Variants in RASAL1 observed in about 807,000 individuals in gnomAD.
RASAL1 encodes rasGAP-activating-like protein 1.
RASAL1 carries 72 observed loss-of-function variants against 96.6 expected under a neutral mutation model. That is an observed-to-expected ratio of 0.75 (90% confidence interval 0.62 to 0.91). The LOEUF (loss-of-function observed/expected upper bound fraction) is 0.91. Among genes scored for constraint, RASAL1 ranks in the 40% least tolerant of loss-of-function variants. The pLI is 0.00. For missense variants in RASAL1, 1,016 were observed against 1,072.5 expected (o/e 0.95, Z 0.74); for synonymous variants, 405 against 430.4 (o/e 0.94, Z 0.73).
intron 1 of RASAL1, among the ~76,000 whole-genome samples, chr12:113,134,720 G>A (rs1008469127): frequency 2.6e-5 from 4 of 152,152 alleles, no homozygotes; most frequent in Admixed American, 2.6e-4. Context: ...CATAGCTTGG[G>A]ACTAGTAGTG....
intron 12 of RASAL1, among the ~76,000 whole-genome samples, chr12:113,114,547 C>T (rs182616498): frequency 2.5e-3 from 382 of 152,070 alleles, no homozygotes; most frequent in Non-Finnish European, 4.1e-3. Context: ...GTTTTGGCAA[C>T]TTTGTCCACC....
In RASAL1 at chr12:113,135,620, AGAG is replaced by A. The variant is rs1202713991; in HGVS notation, c.-161_-159del. On this transcript the variant is annotated 5_prime_UTR_variant, in exon 1 of 21. Transcript: ENST00000548055. This position sits in a 1 kb window ranked among gnomAD's most constrained non-coding sequence, Gnocchi z 5.7. ...GGTAGCTGGATGGGAGATTTCCGAA[AGAG>A]GAGAAGGTGTAGGTGCCCGGGGAGG... The A allele has an allele frequency of 1.5e-6, 1 of 656,748 alleles. No individual in the cohort carries two copies. The highest frequency in any genetic ancestry group is 2.7e-6 in the Non-Finnish European group (1 of 371,786). The allele number at this position is 656,748 out of a possible 1,614,324, so 40.7% of individuals were successfully genotyped here. A position where few individuals can be genotyped will look rare whatever the true frequency, so the allele number is the denominator to read the frequency against.
intron 1 of RASAL1, among the ~76,000 whole-genome samples, chr12:113,131,950 T>TTTCTTC (rs1369291485): frequency 3.8e-4 from 57 of 149,466 alleles, no homozygotes; most frequent in Non-Finnish European, 7.7e-4. Context: ...AATCATCTTC[T>TTTCTTC]TTCTTCTTCT....
chr12:113,124,708 C>T (rs1369226025), intron 4 of RASAL1, among the ~76,000 whole-genome samples: 1 of 152,206 alleles, frequency 6.6e-6, no homozygotes, highest in African/African-American at 2.4e-5. Flanking sequence ...GTGGACACTT[C>T]ACTGGTGTGT....
At position 113,105,508 on chromosome 12, in the gene RASAL1, G is replaced by A. The variant is rs549107966; in HGVS notation, c.1830+206C>T. On this transcript the variant is annotated intron_variant, in intron 16 of 20. Coordinates refer to ENST00000548055, the MANE Select transcript of RASAL1 (RefSeq NM_001301202.2). ...ACCGCATGTGCACATTCTGAAGGAT[G>A]CATGATGGTGCCTGTCCATGTCCTG... Among the ~76,000 whole-genome samples the A allele has an allele frequency of 3.9e-5, 6 of 152,368 alleles. No individual in the cohort carries two copies. The South Asian group carries it at 1.0e-3, about 26-fold the overall frequency.
Position 113,128,245 on chromosome 12 carries a change from G to GACACACACAC in RASAL1, c.123-77_123-68dup, listed in dbSNP as rs4007310. 328 of 566,806 alleles carry GACACACACAC rather than the reference G, an allele frequency of 5.8e-4. 3 individuals are homozygous for GACACACACAC. In the East Asian group the frequency reaches 7.7e-3, roughly 13 times the overall value. The allele number at this position is 566,806 out of a possible 1,614,324, so 35.1% of individuals were successfully genotyped here. ...CAGGAGGCAGACACCTGGAGACCCA[G>GACACACACAC]ACACACACACACACACACACACACA... On this transcript the variant is annotated intron_variant, in intron 2 of 20. Coordinates refer to ENST00000548055, the MANE Select transcript of RASAL1 (RefSeq NM_001301202.2).
chr12:113,120,967 T>G (rs1159179960), intron 5 of RASAL1, among the ~76,000 whole-genome samples: 1 of 151,904 alleles, frequency 6.6e-6, no homozygotes, highest in African/African-American at 2.4e-5. Context: ...AGGACATTGG[T>G]TGGAAATGGT....
intron 1 of RASAL1, among the ~76,000 whole-genome samples, chr12:113,133,992 A>G (rs2136281962): frequency 6.6e-6 from 1 of 152,286 alleles, no homozygotes; most frequent in South Asian, 2.1e-4. Context: ...GGGCTGGTGG[A>G]GGGGCCAGAG....
At chr12:113,117,516 C>T (rs1407729730) in intron 7 of RASAL1, among the ~76,000 whole-genome samples, 1 of 152,234 alleles carries the variant, frequency 6.6e-6, no homozygotes, top group Non-Finnish European at 1.5e-5. Flanking sequence ...GGCATAAGGA[C>T]AGCCCTGGAG....
Position 113,122,901 on chromosome 12 carries a change from G to GT in RASAL1, c.299-1264dup, listed in dbSNP as rs576273897. Among the ~76,000 whole-genome samples the GT allele has an allele frequency of 1.4e-4, 22 of 152,196 alleles. No homozygotes were observed. In the South Asian group the frequency reaches 4.4e-3, roughly 30 times the overall value. ...ATTAAATAAATGTTAAACCTCCACA[G>GT]TTATTTTCCATGTCTCTGAATTTCT... On this transcript the variant is annotated intron_variant, in intron 4 of 20. Transcript: ENST00000548055.
Position 113,129,714 on chromosome 12 carries a change from G to A in RASAL1, c.122+1171C>T, listed in dbSNP as rs1237394673. Reference sequence around the variant, plus strand: ...CCTAAGAAAGAGTGCACATATGCGCGCGTGCGCGCACACACACACACACAC... The same window carrying A: ...CCTAAGAAAGAGTGCACATATGCGCACGTGCGCGCACACACACACACACAC... On this transcript the variant is annotated intron_variant, in intron 2 of 20. Transcript: ENST00000548055. The surrounding 1 kb of genome is among the most constrained non-coding windows in gnomAD (Gnocchi z 5.0). 6.6e-6 allele frequency among the ~76,000 whole-genome samples: 1 copy of A among 151,870 alleles called. No individual in the cohort carries two copies. The highest frequency in any genetic ancestry group is 1.9e-4 in the East Asian group (1 of 5,182).
chr12:113,109,598 C>T (rs1215408697), intron 13 of RASAL1, among the ~76,000 whole-genome samples: 2 of 152,224 alleles, frequency 1.3e-5, no homozygotes, highest in Non-Finnish European at 2.9e-5. Flanking sequence ...CTCACACTTG[C>T]CAGGCTATAT....
chr12:113,117,065 A>C lies in RASAL1; in HGVS notation c.731+8T>G. ...AGCCTGGCCCCCTCCCTCTGCACCCACATTTACCCAGAATCCTCCTCGGCT... is the reference window on the plus strand; with the variant it reads ...AGCCTGGCCCCCTCCCTCTGCACCCCCATTTACCCAGAATCCTCCTCGGCT... On this transcript the variant is annotated splice_region_variant and intron_variant, in intron 8 of 20. Coordinates refer to ENST00000548055, the MANE Select transcript of RASAL1 (RefSeq NM_001301202.2). 3 of 1,584,698 alleles carry C rather than the reference A, an allele frequency of 1.9e-6. No homozygotes were observed. The highest frequency in any genetic ancestry group is 2.6e-6 in the Non-Finnish European group (3 of 1,158,568).
At chr12:113,114,973 G>C in intron 11 of RASAL1, 61 bp from the exon 12 acceptor site, 1 of 1,353,452 alleles carries the variant, frequency 7.4e-7, no homozygotes, top group South Asian at 1.2e-5. Flanking sequence ...ATGCCCATGA[G>C]CTGGGCGCAG....
chr12:113,117,193 G>GGCCCTGGCCT (rs1951121453), intron 7 of RASAL1, 32 bp from the exon 8 acceptor site: 5 of 1,511,634 alleles, frequency 3.3e-6, no homozygotes, highest in Non-Finnish European at 3.6e-6. Flanking sequence ...CCCTCAGCCG[G>GGCCCTGGCCT]GCCCTGGCCT....
At chr12:113,111,490 T>C (rs963804507) in intron 13 of RASAL1, among the ~76,000 whole-genome samples, 3 of 152,152 alleles carry the variant, frequency 2.0e-5, no homozygotes, top group Non-Finnish European at 4.4e-5. Flanking sequence ...AGGCTGCGTG[T>C]GATGGTTAGA....
Position 113,121,735 on chromosome 12 carries a change from T to C in RASAL1, c.299-97A>G, listed in dbSNP as rs977950273. The C allele has an allele frequency of 2.1e-6, 3 of 1,423,384 alleles. No individual in the cohort carries two copies. In the African/African-American group the frequency reaches 4.3e-5, roughly 20 times the overall value. The allele number at this position is 1,423,384 out of a possible 1,614,324, so 88.2% of individuals were successfully genotyped here. On this transcript the variant is annotated intron_variant, in intron 4 of 20. Transcript: ENST00000548055. ...AATTAACATTATTTTCATTTTTTTT[T>C]TTTTGACACAGGGTCTGGTTCTGTT...
intron 5 of RASAL1, among the ~76,000 whole-genome samples, chr12:113,120,697 G>A (rs115486967): frequency 6.6e-6 from 1 of 152,238 alleles, no homozygotes; most frequent in African/African-American, 2.4e-5. Flanking sequence ...TAGGCAAGAG[G>A]GAAGATGGGT....
chr12:113,116,277 G>A (rs1441240260), intron 8 of RASAL1, among the ~76,000 whole-genome samples: 1 of 152,106 alleles, frequency 6.6e-6, no homozygotes, highest in Non-Finnish European at 1.5e-5. Context: ...GGCTGAGGCA[G>A]GAGAATTGCT....
Sources: allele counts gnomAD v4.1 joint callset (sites outside exome capture counted in the v4.1 genomes callset), GRCh38; gene constraint gnomAD v4.1.1; non-coding constraint Gnocchi (gnomAD v3.1); transcripts MANE v1.5; gene names NCBI Gene and HGNC (gene_info 2026-07-23, HGNC 2026-07-21).